Variants in ANKFN1 observed in about 807,000 individuals in gnomAD.
ANKFN1 encodes the protein ankyrin repeat and fibronectin type III domain containing 1.
Under a neutral mutation model 108.7 loss-of-function variants are expected in ANKFN1, and 74 were observed. The observed-to-expected ratio is 0.68, with a 90% CI of 0.56 to 0.83. The LOEUF (loss-of-function observed/expected upper bound fraction) is 0.83. ANKFN1 is among the 40% of genes least tolerant of loss of function. The pLI is 0.00. For synonymous variants in ANKFN1, 547 were observed against 516.2 expected, an observed-to-expected ratio of 1.06 and a Z score of -0.81; for missense variants, 1,505 against 1,382.3, an observed-to-expected ratio of 1.09 and a Z score of -1.41.
intron 8 of ANKFN1, among the ~76,000 whole-genome samples, chr17:56,400,725 A>C (rs1369923753): frequency 1.3e-5 from 2 of 152,154 alleles, no homozygotes; most frequent in Non-Finnish European, 2.9e-5. Flanking sequence ...TTTAGGTCTT[A>C]GGTTTAAGTC....
chr17:56,339,567 C>G (rs2045908458), intron 4 of ANKFN1, among the ~76,000 whole-genome samples: 1 of 152,132 alleles, frequency 6.6e-6, no homozygotes, highest in African/African-American at 2.4e-5. Context: ...ATTTGGTTTT[C>G]TATTCCTGTG....
At chr17:56,301,408 G>A (rs1256468005) in intron 3 of ANKFN1, among the ~76,000 whole-genome samples, 1 of 152,166 alleles carries the variant, frequency 6.6e-6, no homozygotes, top group African/African-American at 2.4e-5. Context: ...AACCATAATG[G>A]CTTGGTTTAA....
intron 3 of ANKFN1, among the ~76,000 whole-genome samples, chr17:56,313,048 A>G (rs2192212): frequency 0.65 from 97,857 of 151,402 alleles, 32,913 homozygotes; most frequent in East Asian, 0.95. Context: ...CCAGCTATTC[A>G]GGAGGCTGAG....
chr17:56,405,048 G>C (rs562387153), intron 8 of ANKFN1, among the ~76,000 whole-genome samples: 1 of 152,188 alleles, frequency 6.6e-6, no homozygotes, highest in Non-Finnish European at 1.5e-5. Context: ...ACCAGCACCT[G>C]TTCCAGTGGA....
At chr17:56,431,944 C>T (rs1008351447) in intron 8 of ANKFN1, among the ~76,000 whole-genome samples, 1 of 152,142 alleles carries the variant, frequency 6.6e-6, no homozygotes, top group Non-Finnish European at 1.5e-5. Flanking sequence ...GAGCTCTCTC[C>T]ATGCAAGCAA....
At chr17:56,170,625 T>C (rs922345741) in intron 1 of ANKFN1, among the ~76,000 whole-genome samples, 14 of 151,034 alleles carry the variant, frequency 9.3e-5, no homozygotes, top group Non-Finnish European at 2.1e-4. Flanking sequence ...TAGCCATGCA[T>C]GGTGGCGCGT....
At chr17:56,160,261 A>G (rs1909523821) in intron 1 of ANKFN1, among the ~76,000 whole-genome samples, 1 of 152,228 alleles carries the variant, frequency 6.6e-6, no homozygotes, top group Non-Finnish European at 1.5e-5. Context: ...TGAATAAAAA[A>G]TGAACCCTCC....
intron 4 of ANKFN1, among the ~76,000 whole-genome samples, chr17:56,064,882 T>C (rs1905036082): frequency 6.6e-6 from 1 of 152,104 alleles, no homozygotes; most frequent in Non-Finnish European, 1.5e-5. Flanking sequence ...TTCCAATCTG[T>C]GGGTCGCACA....
At chr17:56,133,225 G>GA (rs1194923445) in intron 4 of ANKFN1, among the ~76,000 whole-genome samples, 1 of 152,066 alleles carries the variant, frequency 6.6e-6, no homozygotes, top group African/African-American at 2.4e-5. Flanking sequence ...TATTTCTGGT[G>GA]AAAAAACAAG....
At chr17:56,434,930 G>A (rs2048884597) in intron 8 of ANKFN1, among the ~76,000 whole-genome samples, 1 of 152,158 alleles carries the variant, frequency 6.6e-6, no homozygotes, top group Admixed American at 6.5e-5. Flanking sequence ...AGGCGCCAGG[G>A]TGAATGTGGC....
intron 4 of ANKFN1, among the ~76,000 whole-genome samples, chr17:56,065,075 G>T (rs1598086626): frequency 6.6e-6 from 1 of 152,198 alleles, no homozygotes; most frequent in African/African-American, 2.4e-5. Context: ...GAACCTGGAT[G>T]CCTTCATTGG....
intron 4 of ANKFN1, among the ~76,000 whole-genome samples, chr17:56,101,774 AG>A (rs772583475): frequency 1.3e-5 from 2 of 152,188 alleles, no homozygotes; most frequent in Non-Finnish European, 2.9e-5. Context: ...ATTCAGAAAT[AG>A]TTTGAGAAGC....
intron 3 of ANKFN1, among the ~76,000 whole-genome samples, chr17:56,299,706 C>T (rs923425496): frequency 6.6e-6 from 1 of 152,056 alleles, no homozygotes; most frequent in South Asian, 2.1e-4. Context: ...AGCAGAGACC[C>T]CTGAGAGTTG....
chr17:56,300,370 G>C (rs917785170), intron 3 of ANKFN1, among the ~76,000 whole-genome samples: 1 of 152,160 alleles, frequency 6.6e-6, no homozygotes, highest in Non-Finnish European at 1.5e-5. Flanking sequence ...AGGAGTTGGG[G>C]TTTGGCAAAG....
chr17:56,237,852 G>A (rs1005967831), intron 3 of ANKFN1, among the ~76,000 whole-genome samples: 8 of 151,566 alleles, frequency 5.3e-5, no homozygotes, highest in African/African-American at 1.7e-4. Flanking sequence ...TCTCTAATTC[G>A]TTCTGTTGTG....
intron 3 of ANKFN1, among the ~76,000 whole-genome samples, chr17:56,306,836 G>A (rs2044842514): frequency 1.3e-5 from 2 of 152,034 alleles, no homozygotes; most frequent in African/African-American, 2.4e-5. Context: ...TATACTACAA[G>A]GCTACAGTAA....
rs1024731405 is a variant in ANKFN1 at position 56,494,843 on chromosome 17, T to C, written c.2427+2490T>C. 3.0e-4 allele frequency among the ~76,000 whole-genome samples: 46 copies of C among 152,176 alleles called. 1 individual carries two copies. Among genetic ancestry groups the C allele is most frequent in the Non-Finnish European group, 4.4e-5 (3 of 68,022 alleles). On this transcript the variant is annotated intron_variant, in intron 19 of 20. Transcript: ENST00000682825. ...CACTTATGCCTCCCTGAATCCAGTA[T>C]GTTCCTCCAACAAGGAGGCTGACTT...
At chr17:56,411,285 C>T (rs1305845441) in intron 8 of ANKFN1, among the ~76,000 whole-genome samples, 1 of 152,094 alleles carries the variant, frequency 6.6e-6, no homozygotes, top group African/African-American at 2.4e-5. Flanking sequence ...ATTTCTTTTT[C>T]AGATACTTTG....
chr17:56,395,881 T>G (rs939549554), intron 8 of ANKFN1, among the ~76,000 whole-genome samples: 1 of 152,064 alleles, frequency 6.6e-6, no homozygotes, highest in African/African-American at 2.4e-5. Context: ...GGAAGCATGA[T>G]TCCCTTCCCT....
Sources: allele counts gnomAD v4.1 joint callset (sites outside exome capture counted in the v4.1 genomes callset), GRCh38; gene constraint gnomAD v4.1.1; transcripts MANE v1.5; gene names NCBI Gene and HGNC (gene_info 2026-07-23, HGNC 2026-07-21).